The following PLEKHG5 variants were observed in gnomAD, a reference collection of about 807,000 sequenced individuals.
The protein encoded by PLEKHG5 is pleckstrin homology domain-containing family G member 5.
A neutral mutation model predicts 103.8 loss-of-function variants in PLEKHG5; 52 were observed. The ratio of observed to expected loss-of-function variants is 0.50; its 90% confidence interval spans 0.40 to 0.63. The LOEUF (loss-of-function observed/expected upper bound fraction) is 0.63, where lower values mean the gene tolerates loss of function less well. PLEKHG5 is among the 30% of genes least tolerant of loss of function. The probability of loss-of-function intolerance (pLI) is 0.00; values close to 1 mark genes in which losing one functional copy is unlikely to be tolerated. For synonymous variants in PLEKHG5, 592 were observed against 575.5 expected (o/e 1.03, Z -0.41); for missense variants, 1,205 against 1,347.6 (o/e 0.89, Z 1.66).
Position 6,505,096 on chromosome 1 carries a change from A to G in PLEKHG5, c.-164-8527T>C, listed in dbSNP as rs999976692. ...GGCCCGAGGATGAGGCTAATGGAGA[A>G]GAGAACCCAGGCCCAGGCCCCGGCC... is the stretch of plus-strand genomic sequence containing the variant. On this transcript the variant is annotated intron_variant, in intron 1 of 21. Transcript: ENST00000377740. This position sits in a 1 kb window ranked among gnomAD's most constrained non-coding sequence, Gnocchi z 4.2. Among the ~76,000 whole-genome samples, 1 of 152,188 alleles carries G rather than the reference A, an allele frequency of 6.6e-6. No individual in the cohort carries two copies. Among genetic ancestry groups the G allele is most frequent in the East Asian group, 1.9e-4 (1 of 5,182 alleles).
Position 6,470,863 on chromosome 1 carries a change from A to T in PLEKHG5, c.1414T>A (p.Cys472Ser), listed in dbSNP as rs1382976948. The T allele has an allele frequency of 6.4e-7, 1 of 1,573,172 alleles. No individual in the cohort carries two copies. Among genetic ancestry groups the T allele is most frequent in the Admixed American group, 1.8e-5 (1 of 54,240 alleles). The change falls in exon 14 of 21, where the codon TGC (cysteine) becomes AGC (serine). Residue 472 changes from cysteine to serine, a missense_variant. Physicochemically the swap from Cys to Ser is moderately radical, Grantham distance 112 (BLOSUM62 -1). Transcript: ENST00000377728. ...ATGTCGCTCAGCTTCAGCCTCTGGC[A>T]CTGTGGGTGCTTCTCCGCCCACTGC... is the stretch of plus-strand genomic sequence containing the variant. ...YITWAEKHPQ[C>S]QRLKLSDMLA...
At chr1:6,493,266 C>G (rs1645177477), upstream of PLEKHG5, among the ~76,000 whole-genome samples, 1 of 152,198 alleles carries the variant, frequency 6.6e-6, no homozygotes, top group Non-Finnish European at 1.5e-5. Context: ...CCCAGCACAG[C>G]TAGAATGTCA....
upstream of PLEKHG5, chr1:6,497,104 G>T: frequency 6.8e-7 from 1 of 1,466,748 alleles, no homozygotes; most frequent in Non-Finnish European, 9.1e-7. This position sits in a 1 kb window ranked among gnomAD's most constrained non-coding sequence, Gnocchi z 6.1. Context: ...GGTGGGGGCA[G>T]AGCGGCGCAA....
intron 16 of PLEKHG5, 85 bp from the exon 17 acceptor site, chr1:6,469,761 C>T (rs946103555): frequency 2.2e-5 from 30 of 1,372,420 alleles, no homozygotes; most frequent in Non-Finnish European, 2.9e-5. Flanking sequence ...TGGGAGCACT[C>T]GGTTTTTGTC....
Position 6,519,611 on chromosome 1 carries a change from C to A in PLEKHG5, c.-331G>T, listed in dbSNP as rs1638719770. The A allele has an allele frequency of 1.2e-5, 11 of 896,016 alleles. No homozygotes were observed. The South Asian group carries it at 1.4e-4, about 12-fold the overall frequency. The allele number at this position is 896,016 out of a possible 1,614,324, so 55.5% of individuals were successfully genotyped here. Reference sequence around the variant, plus strand: ...ACACACAGGTCTCCGTCCTGCTTTGCCCAGTTGCCATCTCAACATGGAAGG... The same window carrying A: ...ACACACAGGTCTCCGTCCTGCTTTGACCAGTTGCCATCTCAACATGGAAGG... On this transcript the variant is annotated 5_prime_UTR_variant, in exon 1 of 22. Coordinates refer to the PLEKHG5 transcript ENST00000377740.
chr1:6,485,237 C>A, intron 1 of PLEKHG5: 1 of 907,004 alleles, frequency 1.1e-6, no homozygotes, highest in Non-Finnish European at 1.5e-6. Flanking sequence ...CACGGGCACC[C>A]CCTCCCTGGC....
rs771920742 is a variant in PLEKHG5, at chr1:6,470,903, G to A, written c.1393-19C>T. Reference sequence around the variant, plus strand: ...CCGCCCACTGCGGTGGGGGAGTGGGGGCGGGCTCAGGGCAGGCCCCGCCCC... The same window carrying A: ...CCGCCCACTGCGGTGGGGGAGTGGGAGCGGGCTCAGGGCAGGCCCCGCCCC... On this transcript the variant is annotated intron_variant, in intron 13 of 20. Transcript: ENST00000377728. 19 of 1,404,354 alleles carry A rather than the reference G, an allele frequency of 1.4e-5. No homozygotes were observed. Among genetic ancestry groups the A allele is most frequent in the African/African-American group, 3.1e-5 (1 of 32,096 alleles). 87.0% of individuals were successfully genotyped at this position (1,404,354 alleles called of 1,614,324 possible).
rs1644456217 is a variant in PLEKHG5 at position 6,468,291 on chromosome 1, C to T, written c.2545G>A (p.Val849Ile). 6.2e-7 allele frequency: 1 copy of T among 1,609,030 alleles called. No individual in the cohort carries two copies. Among genetic ancestry groups the T allele is most frequent in the Admixed American group, 1.7e-5 (1 of 59,582 alleles). The change falls in exon 20 of 21, where the codon GTT (valine) becomes ATT (isoleucine). Residue 849 changes from valine to isoleucine, a missense_variant. Coordinates refer to ENST00000377728, the MANE Select transcript of PLEKHG5 (RefSeq NM_020631.6). Reference sequence around the variant, plus strand: ...CGGGGCGAGGGTGGAGGGGAAGGAACTCGTGGGGACTCTGGGGCCCGAGGC... The same window carrying T: ...CGGGGCGAGGGTGGAGGGGAAGGAATTCGTGGGGACTCTGGGGCCCGAGGC... ...LVPRAPESPR[V>I]PSPPPSPRLR...
At position 6,490,704 on chromosome 1, in the gene PLEKHG5, C is replaced by A; in HGVS notation, c.-88+933G>T. ...AGGAGGGGTCCCAGGAAGGGCCCCGCGCCGGAGCCAGGGAGGTGGCTGGAG... is the reference window on the plus strand; with the variant it reads ...AGGAGGGGTCCCAGGAAGGGCCCCGAGCCGGAGCCAGGGAGGTGGCTGGAG... On this transcript the variant is annotated intron_variant, in intron 1 of 20. Coordinates refer to ENST00000377728, the MANE Select transcript of PLEKHG5 (RefSeq NM_020631.6). The surrounding 1 kb of genome is among the most constrained non-coding windows in gnomAD (Gnocchi z 8.0). The A allele has an allele frequency of 1.5e-6, 1 of 676,624 alleles. No individual in the cohort carries two copies. Among genetic ancestry groups the A allele is most frequent in the Non-Finnish European group, 1.8e-6 (1 of 548,464 alleles). 41.9% of individuals were successfully genotyped at this position (676,624 alleles called of 1,614,324 possible).
chr1:6,472,740 A>T, intron 9 of PLEKHG5, 118 bp from the exon 10 acceptor site: 3 of 806,228 alleles, frequency 3.7e-6, no homozygotes, highest in Non-Finnish European at 6.3e-6. Flanking sequence ...AGGTCCCAAG[A>T]GGAGCAGGGT....
intron 19 of PLEKHG5, 43 bp from the exon 20 acceptor site, chr1:6,468,629 G>C (rs771986506): frequency 6.2e-7 from 1 of 1,607,288 alleles, no homozygotes; most frequent in South Asian, 1.1e-5. Flanking sequence ...ATGAAACCTA[G>C]ATGGCCTGAG....
At chr1:6,485,370 G>T in intron 1 of PLEKHG5, 1 of 1,418,146 alleles carries the variant, frequency 7.1e-7, no homozygotes, top group South Asian at 1.5e-5. Flanking sequence ...GGAGGGCTCC[G>T]AGTCCCGGAG....
At chr1:6,474,239 G>T in intron 6 of PLEKHG5, 75 bp from the exon 7 acceptor site, 2 of 1,553,650 alleles carry the variant, frequency 1.3e-6, no homozygotes, top group South Asian at 1.1e-5. Flanking sequence ...CTCTCTCCCC[G>T]GAGGATCCAC....
chr1:6,484,394 G>A (rs1377476740), intron 1 of PLEKHG5, among the ~76,000 whole-genome samples: 1 of 152,200 alleles, frequency 6.6e-6, no homozygotes, highest in Non-Finnish European at 1.5e-5. Context: ...AGGCTCAGGG[G>A]CACTGGGGGC....
chr1:6,477,678 C>T lies in PLEKHG5; in HGVS notation c.-87-20G>A, dbSNP rs749210388. 6.3e-7 allele frequency: 1 copy of T among 1,599,270 alleles called. No individual in the cohort carries two copies. Among genetic ancestry groups the T allele is most frequent in the Non-Finnish European group, 8.5e-7 (1 of 1,179,590 alleles). ...ACATACCTGGGGTGGGGACAGAAGC[C>T]TTCAGGAGGTCCACGAGATCCACCA... On this transcript the variant is annotated intron_variant, in intron 1 of 20. Transcript: ENST00000377728.
intron 1 of PLEKHG5, among the ~76,000 whole-genome samples, chr1:6,484,232 G>C (rs930214938): frequency 5.9e-5 from 9 of 152,114 alleles, no homozygotes; most frequent in African/African-American, 2.2e-4. Flanking sequence ...CCCCACCCTG[G>C]ATCCCTTGAA....
intron 16 of PLEKHG5, 151 bp downstream of exon 16, chr1:6,470,085 G>T: frequency 2.2e-6 from 2 of 914,630 alleles, no homozygotes; most frequent in Non-Finnish European, 3.3e-6. Flanking sequence ...CTGGATTTGT[G>T]AATGGCAGGC....
At chr1:6,496,867 G>T, upstream of PLEKHG5, 3 of 931,028 alleles carry the variant, frequency 3.2e-6, no homozygotes, top group South Asian at 5.6e-5. Flanking sequence ...GGAGCGCTCA[G>T]TGACCTTTTG....
chr1:6,474,739 G>T, intron 5 of PLEKHG5, 152 bp from the exon 6 acceptor site: 1 of 779,684 alleles, frequency 1.3e-6, no homozygotes, highest in Non-Finnish European at 2.1e-6. Flanking sequence ...TCACACGCAG[G>T]TCCACAGACA....
Sources: gnomAD v4.1 joint callset for allele counts (sites outside exome capture counted in the v4.1 genomes callset) on GRCh38, gnomAD v4.1.1 for gene constraint, Gnocchi (gnomAD v3.1) non-coding constraint, MANE v1.5 for transcripts, NCBI Gene and HGNC (gene_info 2026-07-23, HGNC 2026-07-21) for gene names.